DOCK3: variants seen among roughly 807,000 people sequenced by gnomAD.
DOCK3 encodes dedicator of cytokinesis 3.
In DOCK3, 60 loss-of-function variants were observed where a neutral mutation model predicts 265.6. The ratio of observed to expected loss-of-function variants is 0.23; its 90% CI spans 0.18 to 0.28. DOCK3 has a LOEUF of 0.28. Ranked by LOEUF, DOCK3 falls within the 10% of genes least tolerant of loss-of-function variation. DOCK3 has a pLI of 1.00. For synonymous variants in DOCK3, 881 were observed against 938.0 expected (o/e 0.94, Z 1.11); for missense variants, 1,981 against 2,594.3 (o/e 0.76, Z 5.14).
intron 9 of DOCK3, among the ~76,000 whole-genome samples, chr3:51,119,840 G>T (rs762497175): frequency 2.6e-5 from 4 of 151,804 alleles, no homozygotes; most frequent in Non-Finnish European, 4.4e-5. Context: ...CTCTAAACTG[G>T]TTATTGTAGT....
At chr3:51,353,667 A>G (rs2086160723) in intron 40 of DOCK3, among the ~76,000 whole-genome samples, 1 of 152,224 alleles carries the variant, frequency 6.6e-6, no homozygotes, top group African/African-American at 2.4e-5. Flanking sequence ...AAGTTCTCCC[A>G]TAGTGAGAGA....
intron 20 of DOCK3, 138 bp from the exon 21 acceptor site, chr3:51,237,352 C>T (rs1403362567): frequency 1.4e-6 from 1 of 705,400 alleles, no homozygotes; most frequent in Non-Finnish European, 2.4e-6. Flanking sequence ...GGAAATCTTA[C>T]ATTCACTACC....
At chr3:50,822,113 T>C (rs2044473436) in intron 2 of DOCK3, among the ~76,000 whole-genome samples, 1 of 152,188 alleles carries the variant, frequency 6.6e-6, no homozygotes, top group African/African-American at 2.4e-5. Context: ...ATTTTAACAA[T>C]ATTGATTCTT....
intron 3 of DOCK3, among the ~76,000 whole-genome samples, chr3:50,863,869 C>T (rs1337735228): frequency 1.3e-5 from 2 of 152,196 alleles, no homozygotes; most frequent in Non-Finnish European, 1.5e-5. Flanking sequence ...TGTTGATGAA[C>T]ACTTAAGGTG....
At chr3:51,154,970 ATTTATTT>A (rs989347171) in intron 10 of DOCK3, among the ~76,000 whole-genome samples, 5 of 151,814 alleles carry the variant, frequency 3.3e-5, no homozygotes, top group African/African-American at 7.3e-5. Flanking sequence ...CCCTGAATTT[ATTTATTT>A]TTTATTTTTT....
chr3:51,243,687 C>T (rs2078707942), intron 21 of DOCK3, among the ~76,000 whole-genome samples: 1 of 151,940 alleles, frequency 6.6e-6, no homozygotes, highest in Non-Finnish European at 1.5e-5. Context: ...TGATTGTGTC[C>T]TTTGAGACAC....
intron 7 of DOCK3, among the ~76,000 whole-genome samples, chr3:51,086,998 A>T (rs1046501142): frequency 6.6e-6 from 1 of 152,218 alleles, no homozygotes; most frequent in Non-Finnish European, 1.5e-5. Flanking sequence ...CATTCAGCAA[A>T]GAAAACCCCA....
chr3:51,147,871 G>C (rs147541746), intron 10 of DOCK3, among the ~76,000 whole-genome samples: 2 of 152,316 alleles, frequency 1.3e-5, no homozygotes, highest in South Asian at 4.1e-4. Flanking sequence ...TGGGATCACA[G>C]GGTCAAATGG....
chr3:51,138,723 T>TG (rs144961218), intron 9 of DOCK3, among the ~76,000 whole-genome samples: 190 of 152,312 alleles, frequency 1.2e-3, no homozygotes, highest in African/African-American at 4.3e-3. Flanking sequence ...GAGCGTATAA[T>TG]GTGAGGATGA....
At chr3:51,258,526 C>T (rs571598392) in intron 22 of DOCK3, among the ~76,000 whole-genome samples, 1 of 152,006 alleles carries the variant, frequency 6.6e-6, no homozygotes, top group South Asian at 2.1e-4. Context: ...TTTTTGGAGA[C>T]GGAGTCTTGC....
chr3:51,201,773 A>C (rs1287117629), intron 12 of DOCK3, among the ~76,000 whole-genome samples: 1 of 152,118 alleles, frequency 6.6e-6, no homozygotes, highest in Non-Finnish European at 1.5e-5. Context: ...TAGTTGGAAG[A>C]AAAGCACTCC....
chr3:50,858,313 G>T (rs2046716803), intron 3 of DOCK3, among the ~76,000 whole-genome samples: 1 of 151,488 alleles, frequency 6.6e-6, no homozygotes, highest in Admixed American at 6.6e-5. Context: ...AGCATTAGGA[G>T]AAATACCTAA....
At chr3:51,362,731 A>G in intron 49 of DOCK3, 57 bp downstream of exon 49, 3 of 1,580,266 alleles carry the variant, frequency 1.9e-6, no homozygotes, top group South Asian at 1.2e-5. Context: ...CATCAACGCC[A>G]CTCGGCTTCC....
intron 2 of DOCK3, among the ~76,000 whole-genome samples, chr3:50,796,499 C>T (rs543407438): frequency 1.2e-4 from 19 of 152,014 alleles, no homozygotes; most frequent in Admixed American, 3.3e-4. Flanking sequence ...TCACCACGCT[C>T]GGCTAATTTT....
intron 5 of DOCK3, among the ~76,000 whole-genome samples, chr3:51,009,001 G>C (rs1480975618): frequency 3.3e-5 from 5 of 152,234 alleles, no homozygotes; most frequent in African/African-American, 1.2e-4. Flanking sequence ...TTTTTGATGT[G>C]CCGCTGGATT....
intron 5 of DOCK3, among the ~76,000 whole-genome samples, chr3:50,995,870 T>C (rs932156448): frequency 6.6e-6 from 1 of 152,158 alleles, no homozygotes; most frequent in African/African-American, 2.4e-5. Context: ...TAGCCACTTA[T>C]TCTGTCATCA....
At chr3:50,774,749 CTCT>C (rs1031001510) in intron 1 of DOCK3, among the ~76,000 whole-genome samples, 12 of 151,996 alleles carry the variant, frequency 7.9e-5, no homozygotes, top group African/African-American at 2.9e-4. Context: ...AGTGGCCATC[CTCT>C]TCTTGTTCCT....
intron 3 of DOCK3, among the ~76,000 whole-genome samples, chr3:50,870,701 T>C (rs894497094): frequency 5.3e-5 from 8 of 152,106 alleles, no homozygotes; most frequent in Non-Finnish European, 1.2e-4. Context: ...TTCTTTCCAT[T>C]CTATCTTCTT....
At chr3:51,279,666 G>A (rs1484778932) in intron 26 of DOCK3, among the ~76,000 whole-genome samples, 19 of 152,164 alleles carry the variant, frequency 1.2e-4, no homozygotes, top group Admixed American at 1.2e-3. Flanking sequence ...AATTCTAGGA[G>A]GTTCCAAAGA....
Sources: gnomAD v4.1 joint callset for allele counts (sites outside exome capture counted in the v4.1 genomes callset) on GRCh38, gnomAD v4.1.1 for gene constraint, MANE v1.5 for transcripts, NCBI Gene and HGNC (gene_info 2026-07-23, HGNC 2026-07-21) for gene names.